Variants in VWA5A observed in about 807,000 individuals in gnomAD.
The protein encoded by VWA5A is von Willebrand factor A domain containing 5A.
Under a neutral mutation model 84.6 loss-of-function variants are expected in VWA5A, and 77 were observed. The observed-to-expected ratio is 0.91, with a 90% CI of 0.76 to 1.10. The LOEUF (loss-of-function observed/expected upper bound fraction) is 1.10. VWA5A is among the 50% of genes least tolerant of loss of function. The probability of loss-of-function intolerance (pLI) is 0.00; values close to 1 mark genes in which losing one functional copy is unlikely to be tolerated. For missense variants in VWA5A, 973 were observed against 963.0 expected (o/e 1.01, Z -0.14); for synonymous variants, 334 against 350.1 (o/e 0.95, Z 0.51).
chr11:124,145,139 T>G, intron 17 of VWA5A, 98 bp from the exon 18 acceptor site: 27 of 1,420,274 alleles, frequency 1.9e-5, no homozygotes, highest in Non-Finnish European at 2.4e-5. Flanking sequence ...CTCCATCTAG[T>G]GACATTTAGA....
At chr11:124,127,711 A>C (rs1238281153) in intron 11 of VWA5A, among the ~76,000 whole-genome samples, 1 of 152,140 alleles carries the variant, frequency 6.6e-6, no homozygotes, top group African/African-American at 2.4e-5. Context: ...CACCATTTTA[A>C]CTGGCGTGAG....
At chr11:124,145,384 C>G (rs369572797) in intron 18 of VWA5A, 21 bp downstream of exon 18, 6 of 1,595,274 alleles carry the variant, frequency 3.8e-6, no homozygotes, top group Admixed American at 1.7e-5. Context: ...AATCCTAAGG[C>G]CTGTCTCCTT....
intron 6 of VWA5A, 95 bp downstream of exon 6, chr11:124,118,803 G>A (rs1864884223): frequency 1.4e-6 from 2 of 1,469,674 alleles, no homozygotes; most frequent in African/African-American, 1.4e-5. Context: ...TAACCCAGAG[G>A]GGGTCCCACA....
At chr11:124,131,373 T>G (rs1865095090) in intron 11 of VWA5A, among the ~76,000 whole-genome samples, 1 of 152,048 alleles carries the variant, frequency 6.6e-6, no homozygotes, top group Non-Finnish European at 1.5e-5. Flanking sequence ...ATGTATGAAT[T>G]GTCTATTTTT....
rs571633637 is a variant in VWA5A at position 124,137,709 on chromosome 11, C to T, written c.1879+441C>T. Among the ~76,000 whole-genome samples, 95 of 152,294 alleles carry T rather than the reference C, an allele frequency of 6.2e-4. 2 individuals are homozygous for T. The South Asian group carries it at 0.013, about 22-fold the overall frequency. On this transcript the variant is annotated intron_variant, in intron 15 of 18. Coordinates refer to ENST00000456829, the MANE Select transcript of VWA5A (RefSeq NM_001130142.2). ...TTTTCATCACCTAAGAAATAAACTT[C>T]ATAACTATTAACAGACATTTCCCAT...
chr11:124,125,922 T>G (rs1230754009), intron 11 of VWA5A, among the ~76,000 whole-genome samples: 1 of 152,258 alleles, frequency 6.6e-6, no homozygotes, highest in African/African-American at 2.4e-5. Flanking sequence ...AAAAAGTCTT[T>G]CCCTATCCAA....
intron 12 of VWA5A, among the ~76,000 whole-genome samples, chr11:124,135,437 A>G (rs997941438): frequency 6.6e-6 from 1 of 151,280 alleles, no homozygotes; most frequent in African/African-American, 2.4e-5. Context: ...AATAATCATG[A>G]TATGTCTAAT....
intron 17 of VWA5A, among the ~76,000 whole-genome samples, chr11:124,145,022 A>G (rs576843831): frequency 1.3e-5 from 2 of 152,278 alleles, no homozygotes; most frequent in East Asian, 3.9e-4. Context: ...ACTGGATTTA[A>G]AACTTAGGAT....
intron 11 of VWA5A, among the ~76,000 whole-genome samples, chr11:124,132,694 C>T (rs1174132582): frequency 6.6e-6 from 1 of 152,036 alleles, no homozygotes; most frequent in African/African-American, 2.4e-5. Context: ...TTTCAAAACA[C>T]CAGCACCTTT....
intron 17 of VWA5A, among the ~76,000 whole-genome samples, chr11:124,142,837 C>T (rs12797376): frequency 2.0e-5 from 3 of 152,130 alleles, no homozygotes; most frequent in Non-Finnish European, 2.9e-5. Flanking sequence ...CCACTTTAAT[C>T]GTATTCCCTG....
intron 12 of VWA5A, 117 bp from the exon 13 acceptor site, chr11:124,136,012 G>C (rs1259796445): frequency 1.4e-5 from 16 of 1,152,098 alleles, no homozygotes; most frequent in Non-Finnish European, 2.0e-5. Flanking sequence ...GAATAGTATT[G>C]AGGAGTAGGC....
chr11:124,129,092 A>G (rs1302330194), intron 11 of VWA5A, among the ~76,000 whole-genome samples: 1 of 152,198 alleles, frequency 6.6e-6, no homozygotes, highest in Non-Finnish European at 1.5e-5. Context: ...GCTTTTACCC[A>G]TTCAGTGTGA....
At chr11:124,135,660 A>G (rs1360376479) in intron 12 of VWA5A, among the ~76,000 whole-genome samples, 1 of 144,994 alleles carries the variant, frequency 6.9e-6, no homozygotes, top group Non-Finnish European at 1.5e-5. Flanking sequence ...CCTCCTGAGT[A>G]GCTGGGACTA....
rs768521659 is a variant in VWA5A, at chr11:124,137,146, C to T, written c.1757C>T (p.Thr586Ile). The change falls in exon 15 of 19, where the codon ACA becomes ATA. Residue 586 changes from threonine (T) to isoleucine (I), a missense_variant. Physicochemically the swap from Thr to Ile is moderately conservative, Grantham distance 89 (BLOSUM62 -1). Transcript: ENST00000456829. The stretch of plus-strand genomic sequence containing the variant: ...GAGTCTGGTGTCATAAGCTCCTTCA[C>T]AGCTTTCATTGCTATCAATAAGGAG... The part of the protein sequence containing the change: ...SLESGVISSF[T>I]AFIAINKELN... 5 of 1,614,130 alleles carry T rather than the reference C, an allele frequency of 3.1e-6. No homozygotes were observed. Among genetic ancestry groups the T allele is most frequent in the Non-Finnish European group, 3.4e-6 (4 of 1,180,044 alleles).
At chr11:124,117,995 C>A in intron 4 of VWA5A, 120 bp downstream of exon 4, 1 of 1,349,462 alleles carries the variant, frequency 7.4e-7, no homozygotes, top group South Asian at 1.4e-5. Flanking sequence ...ATGTTGAAAG[C>A]TCTTTCTTCC....
intron 7 of VWA5A, among the ~76,000 whole-genome samples, chr11:124,119,752 A>C (rs1008335845): frequency 6.6e-6 from 1 of 152,220 alleles, no homozygotes; most frequent in African/African-American, 2.4e-5. Context: ...TGACAGATTG[A>C]AGTAATTGGA....
At position 124,145,965 on chromosome 11, in the gene VWA5A, A is replaced by T. The variant is rs1860814114; in HGVS notation, c.*20A>T. The T allele has an allele frequency of 6.4e-7, 1 of 1,570,256 alleles. No individual in the cohort carries two copies. Among genetic ancestry groups the T allele is most frequent in the South Asian group, 1.2e-5 (1 of 85,900 alleles). On this transcript the variant is annotated 3_prime_UTR_variant, in exon 19 of 19. Transcript: ENST00000456829. ...TTTTGAAGATACCATCCAGAAAAAGAAGTGCCTTTAATTTGCTACTGTCAT... is the reference window on the plus strand; with the variant it reads ...TTTTGAAGATACCATCCAGAAAAAGTAGTGCCTTTAATTTGCTACTGTCAT...
At chr11:124,130,336 T>C (rs923608486) in intron 11 of VWA5A, among the ~76,000 whole-genome samples, 3 of 152,228 alleles carry the variant, frequency 2.0e-5, no homozygotes, top group Non-Finnish European at 4.4e-5. Flanking sequence ...CACCGTGGTC[T>C]GAGAGACAGT....
chr11:124,134,847 G>T, intron 11 of VWA5A, 73 bp from the exon 12 acceptor site: 1 of 1,077,944 alleles, frequency 9.3e-7, no homozygotes, highest in Non-Finnish European at 1.3e-6. Flanking sequence ...ATGTATTTTT[G>T]GCCATTATGT....
Sources: gnomAD v4.1 joint callset for allele counts (sites outside exome capture counted in the v4.1 genomes callset) on GRCh38, gnomAD v4.1.1 for gene constraint, MANE v1.5 for transcripts, NCBI Gene and HGNC (gene_info 2026-07-23, HGNC 2026-07-21) for gene names.